RGS6: variants seen among roughly 807,000 people sequenced by gnomAD.
RGS6 encodes the protein regulator of G protein signaling 6.
In RGS6, 30 loss-of-function variants were observed where a neutral mutation model predicts 78.5. That is an observed-to-expected ratio of 0.38 (90% confidence interval 0.29 to 0.52). The LOEUF is 0.52. Ranked by LOEUF, RGS6 falls within the 20% of genes least tolerant of loss-of-function variation. The pLI is 0.85. For missense variants in RGS6, 495 were observed against 609.7 expected (o/e 0.81, Z 1.98); for synonymous variants, 206 against 206.0 (o/e 1.00, Z 0.00).
chr14:72,154,144 T>C (rs2096735293), intron 2 of RGS6, among the ~76,000 whole-genome samples: 2 of 152,326 alleles, frequency 1.3e-5, no homozygotes, highest in South Asian at 2.1e-4. Flanking sequence ...CACAACCGTT[T>C]ATAGGCTCTC....
At chr14:71,916,947 A>C in the RGS6 span, among the ~76,000 whole-genome samples, 1 of 152,190 alleles carries the variant, frequency 6.6e-6, no homozygotes, top group East Asian at 1.9e-4. Flanking sequence ...GAGTGTACAC[A>C]GGGTTAAATT....
chr14:72,494,657 G>GA (rs893601350), intron 12 of RGS6, among the ~76,000 whole-genome samples: 5 of 151,944 alleles, frequency 3.3e-5, no homozygotes, highest in East Asian at 1.9e-4. Flanking sequence ...TGCTTTTTTG[G>GA]AAAAAAATGC....
chr14:72,076,855 C>T (rs1030057370), intron 2 of RGS6, among the ~76,000 whole-genome samples: 2 of 151,712 alleles, frequency 1.3e-5, no homozygotes, highest in African/African-American at 4.9e-5. Context: ...TTAGGCTATA[C>T]TGTCTATAAA....
At chr14:72,413,398 T>C (rs2093574743) in intron 3 of RGS6, among the ~76,000 whole-genome samples, 2 of 152,166 alleles carry the variant, frequency 1.3e-5, no homozygotes, top group South Asian at 4.1e-4. Context: ...AACCCCTGCC[T>C]TTTTTTGTTT....
chr14:72,539,956 G>C, intron 16 of RGS6, 85 bp from the exon 17 acceptor site: 1 of 1,203,916 alleles, frequency 8.3e-7, no homozygotes, highest in South Asian at 1.5e-5. Context: ...TTTAGCTGCA[G>C]CTGCTGCTGT....
chr14:71,999,340 A>G (rs2082948455), intron 2 of RGS6, among the ~76,000 whole-genome samples: 1 of 152,154 alleles, frequency 6.6e-6, no homozygotes, highest in Admixed American at 6.5e-5. Context: ...TAAAATATGT[A>G]CTTTGTTGGT....
At chr14:72,489,730 C>T (rs2096551922) in intron 12 of RGS6, among the ~76,000 whole-genome samples, 1 of 147,908 alleles carries the variant, frequency 6.8e-6, no homozygotes, top group African/African-American at 2.5e-5. Context: ...AAAGGAGAGG[C>T]AAGGCGAGGT....
chr14:71,991,352 T>A (rs1273261133), intron 2 of RGS6, among the ~76,000 whole-genome samples: 2 of 152,048 alleles, frequency 1.3e-5, no homozygotes, highest in Non-Finnish European at 2.9e-5. Flanking sequence ...TCTCCTCATC[T>A]TCCACATTCC....
intron 3 of RGS6, among the ~76,000 whole-genome samples, chr14:72,446,100 A>C (rs113056200): frequency 0.015 from 2,335 of 152,264 alleles, 60 homozygotes; most frequent in African/African-American, 0.053. Context: ...CTCTACAAAA[A>C]ATTTAAAAAT....
At chr14:72,260,001 T>A (rs964542238) in intron 2 of RGS6, among the ~76,000 whole-genome samples, 1 of 151,612 alleles carries the variant, frequency 6.6e-6, no homozygotes, top group Non-Finnish European at 1.5e-5. Context: ...TCCTAGCAAG[T>A]AGTTTACCCA....
chr14:72,193,477 T>A (rs1403051373), intron 2 of RGS6, among the ~76,000 whole-genome samples: 1 of 152,196 alleles, frequency 6.6e-6, no homozygotes, highest in Admixed American at 6.5e-5. Flanking sequence ...CAACCCATAT[T>A]TACTGAGCCC....
chr14:72,265,254 G>A (rs1195126890), intron 2 of RGS6, among the ~76,000 whole-genome samples: 1 of 152,166 alleles, frequency 6.6e-6, no homozygotes, highest in Non-Finnish European at 1.5e-5. Context: ...GGGCATCCTT[G>A]CATACATGAC....
At chr14:71,972,885 G>A (rs2093898659) in intron 2 of RGS6, among the ~76,000 whole-genome samples, 1 of 152,144 alleles carries the variant, frequency 6.6e-6, no homozygotes, top group Non-Finnish European at 1.5e-5. Context: ...CTTTTCCCTA[G>A]GCTATATCTG....
At chr14:72,043,910 A>G (rs2092632895) in intron 2 of RGS6, among the ~76,000 whole-genome samples, 1 of 152,084 alleles carries the variant, frequency 6.6e-6, no homozygotes, top group South Asian at 2.1e-4. Context: ...TGCTGCTGTC[A>G]CTGCTGCTGC....
chr14:72,288,718 G>T (rs2063041306), intron 2 of RGS6, among the ~76,000 whole-genome samples: 1 of 152,170 alleles, frequency 6.6e-6, no homozygotes, highest in African/African-American at 2.4e-5. Context: ...AAGAAGGCCG[G>T]GCACATTAGA....
chr14:71,988,976 TAAA>T (rs900179296), intron 2 of RGS6, among the ~76,000 whole-genome samples: 6 of 152,150 alleles, frequency 3.9e-5, no homozygotes, highest in Non-Finnish European at 7.4e-5. Flanking sequence ...TTTTTTAAAA[TAAA>T]AAACAGGCAT....
At chr14:72,110,096 A>G (rs1017306591) in intron 2 of RGS6, among the ~76,000 whole-genome samples, 4 of 152,180 alleles carry the variant, frequency 2.6e-5, no homozygotes, top group Admixed American at 6.5e-5. Flanking sequence ...GCAGCTTTCA[A>G]TGTAGAGTTC....
chr14:72,430,507 CG>C (rs2094583601), intron 3 of RGS6, among the ~76,000 whole-genome samples: 1 of 152,198 alleles, frequency 6.6e-6, no homozygotes, highest in South Asian at 2.1e-4. Flanking sequence ...GCATGCACAA[CG>C]TTCACCTTTG....
At chr14:72,203,818 TTTC>T (rs1467148942) in intron 2 of RGS6, among the ~76,000 whole-genome samples, 2 of 109,936 alleles carry the variant, frequency 1.8e-5, no homozygotes, top group African/African-American at 7.4e-5. Flanking sequence ...CCTTTCTTTC[TTTC>T]TTTTTTTTTT....
Sources: allele counts gnomAD v4.1 joint callset (sites outside exome capture counted in the v4.1 genomes callset), GRCh38; gene constraint gnomAD v4.1.1; transcripts MANE v1.5; gene names NCBI Gene and HGNC (gene_info 2026-07-23, HGNC 2026-07-21).